CSMD3: variants seen among roughly 807,000 people sequenced by gnomAD.
CSMD3 encodes CUB and Sushi multiple domains 3.
A neutral mutation model predicts 435.2 loss-of-function variants in CSMD3; 177 were observed. The observed-to-expected ratio is 0.41, with a 90% CI of 0.36 to 0.46. The LOEUF (loss-of-function observed/expected upper bound fraction) is 0.46, where lower values mean the gene tolerates loss of function less well. Among genes scored for constraint, CSMD3 ranks in the 20% least tolerant of loss-of-function variants. The probability of loss-of-function intolerance (pLI) is 0.34; values close to 1 mark genes in which losing one functional copy is unlikely to be tolerated. For synonymous variants in CSMD3, 1,656 were observed against 1,520.5 expected (o/e 1.09, Z -2.07); for missense variants, 4,265 against 4,504.6 (o/e 0.95, Z 1.52).
At chr8:112,753,466 T>C (rs1037221933) in intron 13 of CSMD3, among the ~76,000 whole-genome samples, 11 of 152,096 alleles carry the variant, frequency 7.2e-5, no homozygotes, top group African/African-American at 2.4e-4. Flanking sequence ...GGCAGCAGGG[T>C]CAGGGTTGAT....
At chr8:113,346,439 G>T (rs1177400980) in intron 1 of CSMD3, among the ~76,000 whole-genome samples, 2 of 152,072 alleles carry the variant, frequency 1.3e-5, no homozygotes, top group Non-Finnish European at 2.9e-5. Context: ...AAGCTCCTCT[G>T]ATTCTTTGTC....
intron 13 of CSMD3, among the ~76,000 whole-genome samples, chr8:112,794,871 C>T (rs763198828): frequency 1.6e-4 from 25 of 151,882 alleles, no homozygotes; most frequent in Admixed American, 2.6e-4. Flanking sequence ...AGAAAATGTA[C>T]ATGAAATGTC....
intron 1 of CSMD3, among the ~76,000 whole-genome samples, chr8:113,381,130 TC>T (rs1438899842): frequency 2.0e-5 from 3 of 152,206 alleles, no homozygotes; most frequent in Non-Finnish European, 4.4e-5. Flanking sequence ...AAGATTTTTT[TC>T]TTTATTTGAC....
chr8:112,553,524 A>G (rs1827861943), intron 25 of CSMD3, among the ~76,000 whole-genome samples: 3 of 151,962 alleles, frequency 2.0e-5, no homozygotes, highest in South Asian at 4.1e-4. Context: ...AACAAGGAAA[A>G]CACTGTGGAA....
At chr8:113,185,174 C>T (rs116920986) in intron 3 of CSMD3, among the ~76,000 whole-genome samples, 2 of 152,158 alleles carry the variant, frequency 1.3e-5, no homozygotes, top group Non-Finnish European at 1.5e-5. Flanking sequence ...ACAACCCACC[C>T]CCATCAGGCA....
chr8:113,377,900 G>A (rs1004728910), intron 1 of CSMD3, among the ~76,000 whole-genome samples: 3 of 152,042 alleles, frequency 2.0e-5, no homozygotes, highest in African/African-American at 4.8e-5. Context: ...AAAAATAAAC[G>A]AGGAGCACGC....
intron 38 of CSMD3, among the ~76,000 whole-genome samples, chr8:112,366,735 A>G (rs2131151795): frequency 6.6e-6 from 1 of 152,008 alleles, no homozygotes; most frequent in South Asian, 2.1e-4. Context: ...GCTCCTTTTG[A>G]CTTCCTTTTC....
chr8:112,878,609 G>A (rs1016576002), intron 10 of CSMD3, among the ~76,000 whole-genome samples: 2 of 152,066 alleles, frequency 1.3e-5, no homozygotes, highest in Non-Finnish European at 2.9e-5. Context: ...ATAAAGACAT[G>A]TGCACATGTA....
intron 31 of CSMD3, among the ~76,000 whole-genome samples, chr8:112,483,953 C>T (rs936159136): frequency 6.6e-6 from 1 of 152,190 alleles, no homozygotes; most frequent in African/African-American, 2.4e-5. Flanking sequence ...GTCAATTCAG[C>T]TGTTTCTCAA....
chr8:112,817,166 C>T (rs1227988059), intron 12 of CSMD3, among the ~76,000 whole-genome samples: 1 of 151,990 alleles, frequency 6.6e-6, no homozygotes, highest in Non-Finnish European at 1.5e-5. Flanking sequence ...TACAGTGTTA[C>T]CATGAATCTA....
At chr8:112,361,581 A>C (rs1267973511) in intron 38 of CSMD3, among the ~76,000 whole-genome samples, 1 of 19,770 alleles carries the variant, frequency 5.1e-5, no homozygotes, top group Non-Finnish European at 1.1e-4. Context: ...ACATATATAT[A>C]TATATATATA....
intron 28 of CSMD3, among the ~76,000 whole-genome samples, chr8:112,514,690 C>T (rs1823492769): frequency 6.6e-6 from 1 of 151,924 alleles, no homozygotes; most frequent in East Asian, 1.9e-4. Flanking sequence ...TTAAAGATGA[C>T]GTCCTTCTGT....
chr8:112,728,715 A>G (rs1212515089), intron 13 of CSMD3, among the ~76,000 whole-genome samples: 1 of 152,054 alleles, frequency 6.6e-6, no homozygotes. Context: ...AATGGGGAGT[A>G]ATCACTCTGT....
At chr8:112,934,650 G>C (rs954762765) in intron 9 of CSMD3, among the ~76,000 whole-genome samples, 1 of 152,108 alleles carries the variant, frequency 6.6e-6, no homozygotes, top group Non-Finnish European at 1.5e-5. Flanking sequence ...ACAATGCTAA[G>C]TTTTTAGAAC....
chr8:113,052,421 T>TA (rs533864657), intron 5 of CSMD3, among the ~76,000 whole-genome samples: 17 of 152,294 alleles, frequency 1.1e-4, no homozygotes, highest in African/African-American at 3.6e-4. Flanking sequence ...TCAATTTTTT[T>TA]AAAAAGCAAT....
chr8:112,488,085 T>G (rs1380480683), intron 31 of CSMD3, among the ~76,000 whole-genome samples: 1 of 152,308 alleles, frequency 6.6e-6, no homozygotes, highest in East Asian at 1.9e-4. Flanking sequence ...TTCTCATCAC[T>G]GAACAGGACT....
At chr8:112,801,917 T>C (rs1469884699) in intron 12 of CSMD3, among the ~76,000 whole-genome samples, 2 of 152,026 alleles carry the variant, frequency 1.3e-5, no homozygotes, top group African/African-American at 4.8e-5. Flanking sequence ...AGTATTGCTC[T>C]TTTTTACATC....
At chr8:113,066,754 C>G (rs1176250829) in intron 5 of CSMD3, among the ~76,000 whole-genome samples, 2 of 151,948 alleles carry the variant, frequency 1.3e-5, no homozygotes, top group African/African-American at 4.8e-5. Flanking sequence ...AGAAAAAGAT[C>G]TGTTAGCAAA....
chr8:112,585,090 C>G (rs1830619188), intron 23 of CSMD3, among the ~76,000 whole-genome samples: 1 of 151,480 alleles, frequency 6.6e-6, no homozygotes, highest in Non-Finnish European at 1.5e-5. Flanking sequence ...ACCTCTTATT[C>G]TGGCAGAGAG....
Sources: gnomAD v4.1 joint callset for allele counts (sites outside exome capture counted in the v4.1 genomes callset) on GRCh38, gnomAD v4.1.1 for gene constraint, MANE v1.5 for transcripts, NCBI Gene and HGNC (gene_info 2026-07-23, HGNC 2026-07-21) for gene names.